The following VAV3 variants were observed in gnomAD, a reference collection of about 807,000 sequenced individuals.
The protein encoded by VAV3 is vav guanine nucleotide exchange factor 3.
A neutral mutation model predicts 131.2 loss-of-function variants in VAV3; 94 were observed. The observed-to-expected ratio is 0.72, with a 90% CI of 0.61 to 0.85. VAV3 has a LOEUF of 0.85. Among genes scored for constraint, VAV3 ranks in the 40% least tolerant of loss-of-function variants. The probability of loss-of-function intolerance (pLI) is 0.00; values close to 1 mark genes in which losing one functional copy is unlikely to be tolerated. For missense variants in VAV3, 939 were observed against 1,002.7 expected, an observed-to-expected ratio of 0.94 and a Z score of 0.86; for synonymous variants, 349 against 342.0, an observed-to-expected ratio of 1.02 and a Z score of -0.22.
At chr1:107,955,317 G>GT (rs58239664) in intron 1 of VAV3, among the ~76,000 whole-genome samples, 8,888 of 149,422 alleles carry the variant, frequency 0.059, 713 homozygotes, top group African/African-American at 0.18. Context: ...TGCTGGCTAT[G>GT]TTTTTTTTTT....
At chr1:107,788,087 C>G (rs1666112761) in intron 2 of VAV3, among the ~76,000 whole-genome samples, 1 of 152,158 alleles carries the variant, frequency 6.6e-6, no homozygotes, top group Non-Finnish European at 1.5e-5. Context: ...CCTCCCATGC[C>G]TCTGCTATGT....
At chr1:107,814,768 A>C (rs1667491469) in intron 2 of VAV3, among the ~76,000 whole-genome samples, 1 of 152,210 alleles carries the variant, frequency 6.6e-6, no homozygotes, top group South Asian at 2.1e-4. Context: ...TATGATGAAA[A>C]CAGTGCTTAT....
chr1:107,875,677 T>C (rs12750602), intron 1 of VAV3, among the ~76,000 whole-genome samples: 37,717 of 152,092 alleles, frequency 0.25, 5,148 homozygotes, highest in East Asian at 0.4. Flanking sequence ...TGGGAGGTCA[T>C]TGGAGGCCTT....
At chr1:107,917,032 T>C (rs984086335) in intron 1 of VAV3, among the ~76,000 whole-genome samples, 3 of 152,056 alleles carry the variant, frequency 2.0e-5, no homozygotes, top group Admixed American at 2.0e-4. Context: ...GACGATCAGA[T>C]TGTCCAAAAA....
At chr1:107,764,095 A>G (rs969447589) in intron 9 of VAV3, among the ~76,000 whole-genome samples, 5 of 151,918 alleles carry the variant, frequency 3.3e-5, no homozygotes, top group Non-Finnish European at 7.4e-5. Flanking sequence ...AACAAAAAAC[A>G]AAAAACAAAA....
At chr1:107,905,034 A>G (rs1233794045) in intron 1 of VAV3, among the ~76,000 whole-genome samples, 2 of 152,216 alleles carry the variant, frequency 1.3e-5, no homozygotes, top group Non-Finnish European at 2.9e-5. Flanking sequence ...CTTAAGGAAG[A>G]AATCTTCCTC....
chr1:107,617,988 G>A (rs1653291722), intron 20 of VAV3, among the ~76,000 whole-genome samples: 1 of 152,110 alleles, frequency 6.6e-6, no homozygotes, highest in Admixed American at 6.6e-5. Context: ...TGGGGGCGTG[G>A]CAGGTGGTTT....
intron 24 of VAV3, among the ~76,000 whole-genome samples, chr1:107,602,171 T>C (rs1651916326): frequency 6.6e-6 from 1 of 152,118 alleles, no homozygotes; most frequent in South Asian, 2.1e-4. Flanking sequence ...ACCAAAACTC[T>C]ATCTAAACCT....
chr1:107,964,638 G>A (rs1247731615), intron 1 of VAV3, 28 bp downstream of exon 1: 1 of 1,603,910 alleles, frequency 6.2e-7, no homozygotes, highest in Non-Finnish European at 8.5e-7. Context: ...GCCGGCTGGA[G>A]GCGGGGCGCC....
chr1:107,802,313 A>G (rs950080952), intron 2 of VAV3, among the ~76,000 whole-genome samples: 1 of 151,874 alleles, frequency 6.6e-6, no homozygotes, highest in Non-Finnish European at 1.5e-5. Context: ...CGATAATTTG[A>G]CTTCTTCCTT....
At chr1:107,718,710 A>G (rs1661284359) in intron 15 of VAV3, among the ~76,000 whole-genome samples, 1 of 152,216 alleles carries the variant, frequency 6.6e-6, no homozygotes, top group Non-Finnish European at 1.5e-5. Context: ...AATCTACTTT[A>G]AAGTTCATAT....
intron 25 of VAV3, among the ~76,000 whole-genome samples, chr1:107,579,038 G>A (rs1649848358): frequency 6.6e-6 from 1 of 152,138 alleles, no homozygotes; most frequent in Admixed American, 6.5e-5. Context: ...CTTGACCAAA[G>A]GACTTGAAAC....
At chr1:107,711,938 A>G (rs958573096) in intron 15 of VAV3, among the ~76,000 whole-genome samples, 1 of 152,112 alleles carries the variant, frequency 6.6e-6, no homozygotes, top group Non-Finnish European at 1.5e-5. Context: ...TGCCCACCTC[A>G]GCCTCCCAAA....
intron 15 of VAV3, among the ~76,000 whole-genome samples, chr1:107,720,219 AAAAT>A (rs1240192593): frequency 6.6e-6 from 1 of 151,790 alleles, no homozygotes; most frequent in Non-Finnish European, 1.5e-5. Flanking sequence ...TAAAAAAATA[AAAAT>A]AAATAAAAAA....
chr1:107,881,953 G>A (rs1314892760), intron 1 of VAV3, among the ~76,000 whole-genome samples: 1 of 152,148 alleles, frequency 6.6e-6, no homozygotes, highest in African/African-American at 2.4e-5. Context: ...CCTTAAAAGT[G>A]TATGGTTTCC....
At chr1:107,604,211 CCT>C (rs1652089499) in intron 22 of VAV3, among the ~76,000 whole-genome samples, 1 of 152,084 alleles carries the variant, frequency 6.6e-6, no homozygotes, top group South Asian at 2.1e-4. Flanking sequence ...ATCCGAAAAT[CCT>C]CTGATTCACA....
Position 107,755,443 on chromosome 1 carries a change from A to C in VAV3, c.1157T>G (p.Leu386Arg). 6.2e-7 allele frequency: 1 copy of C among 1,612,584 alleles called. No homozygotes were observed. Among genetic ancestry groups the C allele is most frequent in the East Asian group, 2.2e-5 (1 of 44,856 alleles). Residue 386 changes from leucine (L) to arginine (R), a missense_variant, in exon 12 of 27, where the codon CTA becomes CGA. By Grantham distance (102) the Leu-to-Arg change is moderately radical (BLOSUM62 -2). Coordinates refer to ENST00000370056, the MANE Select transcript of VAV3 (RefSeq NM_006113.5). ...ATTACATACCAAATTCTCTATAGAT[A>C]GCTGAAACTGTTTAATTTCACGAAG... ...ETLREIKQFQ[L>R]SIENLNQPVL...
intron 4 of VAV3, among the ~76,000 whole-genome samples, chr1:107,773,119 T>G (rs1324527969): frequency 6.6e-6 from 1 of 152,204 alleles, no homozygotes; most frequent in East Asian, 1.9e-4. Flanking sequence ...TCTTACATAA[T>G]TCATCCAACA....
intron 2 of VAV3, among the ~76,000 whole-genome samples, chr1:107,870,770 A>T (rs1005154998): frequency 1.3e-5 from 2 of 152,128 alleles, no homozygotes; most frequent in Non-Finnish European, 2.9e-5. Flanking sequence ...GAACATGATG[A>T]AACTATCCTA....
Sources: allele counts gnomAD v4.1 joint callset (sites outside exome capture counted in the v4.1 genomes callset), GRCh38; gene constraint gnomAD v4.1.1; transcripts MANE v1.5; gene names NCBI Gene and HGNC (gene_info 2026-07-23, HGNC 2026-07-21).